The following SNAI2 variants were observed in gnomAD, a reference collection of about 807,000 sequenced individuals.
The protein encoded by SNAI2 is snail family transcriptional repressor 2.
A neutral mutation model predicts 22.4 loss-of-function variants in SNAI2; 2 were observed. The ratio of observed to expected loss-of-function variants is 0.09; its 90% CI spans 0.04 to 0.28. SNAI2 has a LOEUF of 0.28. SNAI2 is among the 10% of genes least tolerant of loss of function. The pLI, the probability that SNAI2 is intolerant of heterozygous loss-of-function variation, is 1.00. For missense variants in SNAI2, 239 were observed against 320.8 expected, an observed-to-expected ratio of 0.75 and a Z score of 1.95; for synonymous variants, 134 against 123.0, an observed-to-expected ratio of 1.09 and a Z score of -0.59.
intron 2 of SNAI2, 54 bp from the exon 3 acceptor site, chr8:48,919,042 C>T: frequency 6.4e-7 from 1 of 1,553,054 alleles, no homozygotes; most frequent in Non-Finnish European, 8.8e-7. Flanking sequence ...TTAGAGGAAA[C>T]ATAAAGTAAA....
rs1320842737 is a variant in SNAI2 at position 48,918,485 on chromosome 8, T to A, written c.*322A>T. On this transcript the variant is annotated 3_prime_UTR_variant, in exon 3 of 3. Transcript: ENST00000020945. ...TGGCAGCAATGTAAATCTTTGCATTTTTTTAGGAAGAAAAGATGCAATGTG... is the reference window on the plus strand; with the variant it reads ...TGGCAGCAATGTAAATCTTTGCATTATTTTAGGAAGAAAAGATGCAATGTG... The A allele has an allele frequency of 1.8e-5, 6 of 334,024 alleles. No homozygotes were observed. The highest frequency in any genetic ancestry group is 5.6e-6 in the Non-Finnish European group (1 of 177,812). The allele number at this position is 334,024 out of a possible 1,614,324, so 20.7% of individuals were successfully genotyped here. A position where few individuals can be genotyped will look rare whatever the true frequency, so the allele number is the denominator to read the frequency against.
chr8:48,920,929 T>G (rs1806153682), intron 1 of SNAI2, among the ~76,000 whole-genome samples: 1 of 152,240 alleles, frequency 6.6e-6, no homozygotes, highest in Non-Finnish European at 1.5e-5. Flanking sequence ...ATACTCATTA[T>G]GCATGTATAC....
intron 2 of SNAI2, among the ~76,000 whole-genome samples, chr8:48,919,213 A>C (rs951125179): frequency 6.6e-6 from 1 of 152,214 alleles, no homozygotes; most frequent in Admixed American, 6.5e-5. Flanking sequence ...TACTGCTGCC[A>C]ATCATACAGA....
chr8:48,921,121 T>A, intron 1 of SNAI2, 66 bp downstream of exon 1: 1 of 1,111,238 alleles, frequency 9.0e-7, no homozygotes, highest in South Asian at 1.2e-5. Context: ...ATTTGAAGGG[T>A]AATACGTAGA....
Position 48,921,276 on chromosome 8 carries a change from G to T in SNAI2, c.-11C>A. 3 of 1,610,616 alleles carry T rather than the reference G, an allele frequency of 1.9e-6. No homozygotes were observed. Among genetic ancestry groups the T allele is most frequent in the Non-Finnish European group, 8.5e-7 (1 of 1,178,760 alleles). ...GAAGGAGCGCGGCATCTTGCCAGCG[G>T]GTCTGGCGGGCGCCCGGCGCGGATA... On this transcript the variant is annotated 5_prime_UTR_variant, in exon 1 of 3. Coordinates refer to ENST00000020945, the MANE Select transcript of SNAI2 (RefSeq NM_003068.5).
At position 48,921,397 on chromosome 8, in the gene SNAI2, C is replaced by G; in HGVS notation, c.-132G>C. 1.3e-6 allele frequency: 1 copy of G among 745,844 alleles called. No individual in the cohort carries two copies. The highest frequency in any genetic ancestry group is 2.4e-6 in the Non-Finnish European group (1 of 422,188). The allele number at this position is 745,844 out of a possible 1,614,324, so 46.2% of individuals were successfully genotyped here. ...CAGGTGCGGCAGACGGACGGGCCGG[C>G]GCCTCTGAAGTCACCCGGCTCCTTT... On this transcript the variant is annotated 5_prime_UTR_variant, in exon 1 of 3. Coordinates refer to ENST00000020945, the MANE Select transcript of SNAI2 (RefSeq NM_003068.5).
chr8:48,920,480 A>C (rs1256866173), intron 1 of SNAI2, 39 bp from the exon 2 acceptor site: 30 of 1,532,782 alleles, frequency 2.0e-5, no homozygotes, highest in Non-Finnish European at 2.6e-5. Context: ...TTAAGGCAAA[A>C]ATAATTAAAA....
Position 48,918,788 on chromosome 8 carries a change from T to C in SNAI2, c.*19A>G. 1 of 1,613,644 alleles carries C rather than the reference T, an allele frequency of 6.2e-7. No individual in the cohort carries two copies. The highest frequency in any genetic ancestry group is 8.5e-7 in the Non-Finnish European group (1 of 1,179,534). Reference sequence around the variant, plus strand: ...AGTGAAGAAATGCATTCTGTTCGAGTAAACATTGATTGCGTCACTCAGTGT... The same window carrying C: ...AGTGAAGAAATGCATTCTGTTCGAGCAAACATTGATTGCGTCACTCAGTGT... On this transcript the variant is annotated 3_prime_UTR_variant, in exon 3 of 3. Transcript: ENST00000020945.
Position 48,920,262 on chromosome 8 carries a change from T to C in SNAI2, c.259A>G (p.Ser87Gly), listed in dbSNP as rs767804680. ...SGYSSSLGRV[S>G]PPPPSDTSSK... ...GAGGTGTCAGATGGAGGAGGGGGAC[T>C]CACTCGCCCCAAAGATGAGGAGTAT... is the stretch of plus-strand genomic sequence containing the variant. The change falls in exon 2 of 3, where the codon AGT (serine) becomes GGT (glycine). Residue 87 changes from serine to glycine, a missense_variant. This residue lies in a region of SNAI2 where 183 missense variants were observed against 190.4 expected (regional missense o/e 0.96). Coordinates refer to ENST00000020945, the MANE Select transcript of SNAI2 (RefSeq NM_003068.5). 1.2e-6 allele frequency: 2 copies of C among 1,613,816 alleles called. No individual in the cohort carries two copies. The highest frequency in any genetic ancestry group is 2.2e-5 in the East Asian group (1 of 44,874).
In SNAI2 at chr8:48,917,698, A is replaced by G. The variant is rs1307314016; in HGVS notation, c.*1109T>C. On this transcript the variant is annotated 3_prime_UTR_variant, in exon 3 of 3. Coordinates refer to ENST00000020945, the MANE Select transcript of SNAI2 (RefSeq NM_003068.5). ...TTCATTTTTTTCTTGTTAACAAACAATTCTTTGTACAGTGGTTTGGTACTA... is the reference window on the plus strand; with the variant it reads ...TTCATTTTTTTCTTGTTAACAAACAGTTCTTTGTACAGTGGTTTGGTACTA... 1 of 152,198 alleles carries G rather than the reference A, an allele frequency of 6.6e-6. No individual in the cohort carries two copies. Among genetic ancestry groups the G allele is most frequent in the Non-Finnish European group, 1.5e-5 (1 of 68,022 alleles). The allele number at this position is 152,198 out of a possible 1,614,324, so 9.4% of individuals were successfully genotyped here.
intron 2 of SNAI2, 121 bp downstream of exon 2, chr8:48,919,775 T>C: frequency 9.4e-7 from 1 of 1,061,138 alleles, no homozygotes; most frequent in South Asian, 1.3e-5. Context: ...AGTCAGGAAG[T>C]AGCTATCAAT....
Position 48,918,992 on chromosome 8 carries a change from G to C in SNAI2, c.626-4C>G. ...GGGCAAGAAAAAGGCTTCTCCCCTG[G>C]GGGTGGAGTGGGAGAAAAAAAGAAA... is the stretch of plus-strand genomic sequence containing the variant. On this transcript the variant is annotated splice_polypyrimidine_tract_variant and splice_region_variant and intron_variant, in intron 2 of 2. Coordinates refer to ENST00000020945, the MANE Select transcript of SNAI2 (RefSeq NM_003068.5). 6 of 1,613,006 alleles carry C rather than the reference G, an allele frequency of 3.7e-6. No individual in the cohort carries two copies. The highest frequency in any genetic ancestry group is 5.1e-6 in the Non-Finnish European group (6 of 1,179,748).
In SNAI2 at chr8:48,918,975, A is replaced by G; in HGVS notation, c.639T>C (p.Phe213=). Residue 213 remains phenylalanine, a synonymous_variant, in exon 3 of 3, where the codon TTT becomes TTC. Transcript: ENST00000020945. The part of the protein sequence containing the change: ...HIRTHTGEKP[F]SCPHCNRAFA... The stretch of plus-strand genomic sequence containing the variant: ...ATGCTCTGTTGCAGTGAGGGCAAGA[A>G]AAAGGCTTCTCCCCTGGGGGTGGAG... The G allele has an allele frequency of 6.2e-7, 1 of 1,613,926 alleles. No individual in the cohort carries two copies. Among genetic ancestry groups the G allele is most frequent in the Middle Eastern group, 1.7e-4 (1 of 5,884 alleles).
At chr8:48,919,425 C>T (rs1444006896) in intron 2 of SNAI2, among the ~76,000 whole-genome samples, 2 of 152,158 alleles carry the variant, frequency 1.3e-5, no homozygotes, top group African/African-American at 4.8e-5. Flanking sequence ...AAAAAATCCC[C>T]AAACAAAGCA....
At chr8:48,919,028 GT>G in intron 2 of SNAI2, 40 bp from the exon 3 acceptor site, 9 of 1,583,796 alleles carry the variant, frequency 5.7e-6, no homozygotes, top group Non-Finnish European at 7.8e-6. Context: ...GACAGTCAGT[GT>G]TTTTAGAGGA....
intron 2 of SNAI2, 119 bp from the exon 3 acceptor site, chr8:48,919,107 C>T (rs1434116059): frequency 2.2e-6 from 2 of 924,634 alleles, no homozygotes; most frequent in Admixed American, 2.2e-5. Flanking sequence ...AGCAGCAAAA[C>T]CTGATTAAAA....
In SNAI2 at chr8:48,918,739, A is replaced by G; in HGVS notation, c.*68T>C. 1 of 1,570,630 alleles carries G rather than the reference A, an allele frequency of 6.4e-7. No individual in the cohort carries two copies. Among genetic ancestry groups the G allele is most frequent in the Non-Finnish European group, 8.8e-7 (1 of 1,141,140 alleles). ...TCAGCACAGGAGAAAATGCCTTTGGACTTTATTTGTCATTTGGCTTCGGAG... is the reference window on the plus strand; with the variant it reads ...TCAGCACAGGAGAAAATGCCTTTGGGCTTTATTTGTCATTTGGCTTCGGAG... On this transcript the variant is annotated 3_prime_UTR_variant, in exon 3 of 3. Coordinates refer to ENST00000020945, the MANE Select transcript of SNAI2 (RefSeq NM_003068.5).
chr8:48,920,511 A>T, intron 1 of SNAI2, 70 bp from the exon 2 acceptor site: 2 of 1,325,728 alleles, frequency 1.5e-6, no homozygotes, highest in Non-Finnish European at 2.2e-6. Context: ...ACGCAAGTAT[A>T]CACACACTGG....
chr8:48,920,242 G>A lies in SNAI2; in HGVS notation c.279C>T (p.Asp93=), dbSNP rs1806141190. 1 of 1,614,138 alleles carries A rather than the reference G, an allele frequency of 6.2e-7. No homozygotes were observed. Among genetic ancestry groups the A allele is most frequent in the Non-Finnish European group, 8.5e-7 (1 of 1,180,010 alleles). ...LGRVSPPPPS[D]TSSKDHSGSE... ...AGCCACTGTGGTCCTTGGAGGAGGTGTCAGATGGAGGAGGGGGACTCACTC... is the reference window on the plus strand; with the variant it reads ...AGCCACTGTGGTCCTTGGAGGAGGTATCAGATGGAGGAGGGGGACTCACTC... Residue 93 remains aspartate (D), a synonymous_variant, in exon 2 of 3, where the codon GAC becomes GAT. Transcript: ENST00000020945.
Sources: gnomAD v4.1 joint callset for allele counts (sites outside exome capture counted in the v4.1 genomes callset) on GRCh38, gnomAD v4.1.1 for gene constraint, gnomAD v4.1.1 regional missense constraint, MANE v1.5 for transcripts, NCBI Gene and HGNC (gene_info 2026-07-23, HGNC 2026-07-21) for gene names.